Variants in FBXO11 observed in about 807,000 individuals in gnomAD.
The protein encoded by FBXO11 is F-box only protein 11.
A neutral mutation model predicts 117.0 loss-of-function variants in FBXO11; 13 were observed. The ratio of observed to expected loss-of-function variants is 0.11; its 90% CI spans 0.07 to 0.18. The LOEUF is 0.18. FBXO11 is among the 10% of genes least tolerant of loss of function. FBXO11 has a pLI of 1.00. For synonymous variants in FBXO11, 490 were observed against 380.5 expected, an observed-to-expected ratio of 1.29 and a Z score of -3.35; for missense variants, 767 against 1,164.4, an observed-to-expected ratio of 0.66 and a Z score of 4.97.
At chr2:47,827,701 ATT>A (rs34598751) in intron 11 of FBXO11, among the ~76,000 whole-genome samples, 2 of 136,616 alleles carry the variant, frequency 1.5e-5, no homozygotes, top group Non-Finnish European at 1.6e-5. Flanking sequence ...AAGAAATTAG[ATT>A]TTTTTTTTTT....
chr2:47,899,437 T>C (rs772780966), intron 1 of FBXO11, among the ~76,000 whole-genome samples: 6 of 152,212 alleles, frequency 3.9e-5, no homozygotes, highest in Non-Finnish European at 7.3e-5. Context: ...ATTTATTAAA[T>C]ATCTATCATG....
intron 1 of FBXO11, among the ~76,000 whole-genome samples, chr2:47,887,576 T>C (rs1676955481): frequency 3.3e-5 from 5 of 151,780 alleles, no homozygotes; most frequent in Admixed American, 2.6e-4. Flanking sequence ...AAACACTTTG[T>C]GGGGCCAGGC....
intron 1 of FBXO11, among the ~76,000 whole-genome samples, chr2:47,898,851 T>C (rs749142951): frequency 3.9e-5 from 6 of 152,148 alleles, no homozygotes; most frequent in Non-Finnish European, 7.3e-5. Context: ...TCCTTGTTTA[T>C]AGAAAGATTA....
intron 18 of FBXO11, among the ~76,000 whole-genome samples, chr2:47,812,495 T>C (rs763625954): frequency 6.6e-6 from 1 of 152,232 alleles, no homozygotes; most frequent in Non-Finnish European, 1.5e-5. Flanking sequence ...GTGAAAACTA[T>C]CTGAGATACG....
At chr2:47,827,056 G>A (rs1015845530) in intron 11 of FBXO11, among the ~76,000 whole-genome samples, 7 of 152,194 alleles carry the variant, frequency 4.6e-5, no homozygotes, top group African/African-American at 1.7e-4. Flanking sequence ...GATTAAATAT[G>A]TCACCTAATT....
chr2:47,817,763 C>T (rs1257029594), intron 16 of FBXO11, among the ~76,000 whole-genome samples: 2 of 152,228 alleles, frequency 1.3e-5, no homozygotes, highest in African/African-American at 2.4e-5. Context: ...CTTGGTGGAA[C>T]AGTCAGAACA....
chr2:47,822,942 T>C (rs1028649006), intron 12 of FBXO11, among the ~76,000 whole-genome samples: 2 of 152,108 alleles, frequency 1.3e-5, no homozygotes, highest in African/African-American at 4.8e-5. Context: ...ATATCACTAA[T>C]AAAAAGAAAA....
intron 1 of FBXO11, among the ~76,000 whole-genome samples, chr2:47,882,894 C>G (rs1676539713): frequency 6.6e-6 from 1 of 152,304 alleles, no homozygotes; most frequent in South Asian, 2.1e-4. Context: ...AGCGATCTCC[C>G]TGTCTCAGCC....
chr2:47,842,303 C>T (rs962965960), intron 1 of FBXO11, among the ~76,000 whole-genome samples: 2 of 152,100 alleles, frequency 1.3e-5, no homozygotes, highest in Non-Finnish European at 2.9e-5. Flanking sequence ...CGTGAGCCAC[C>T]GGCGCCCGGC....
At chr2:47,826,770 T>C (rs1169162141) in intron 11 of FBXO11, among the ~76,000 whole-genome samples, 2 of 152,156 alleles carry the variant, frequency 1.3e-5, no homozygotes, top group Non-Finnish European at 2.9e-5. Flanking sequence ...CCTCTTCTTT[T>C]TATTTATTTT....
intron 14 of FBXO11, among the ~76,000 whole-genome samples, chr2:47,819,773 C>T (rs1306984846): frequency 1.3e-5 from 2 of 152,086 alleles, no homozygotes; most frequent in Non-Finnish European, 2.9e-5. Context: ...AAAATTTTTA[C>T]TTTTAGCAGG....
At chr2:47,854,143 A>C (rs2103677511) in intron 1 of FBXO11, among the ~76,000 whole-genome samples, 1 of 152,352 alleles carries the variant, frequency 6.6e-6, no homozygotes, top group South Asian at 2.1e-4. Flanking sequence ...AATTTGAATA[A>C]AGAAAAAACA....
At chr2:47,815,616 A>T (rs1197131001) in intron 16 of FBXO11, among the ~76,000 whole-genome samples, 1 of 152,172 alleles carries the variant, frequency 6.6e-6, no homozygotes, top group Non-Finnish European at 1.5e-5. Context: ...GTAACTTGTG[A>T]TCCAAGTAAC....
At chr2:47,850,665 C>G (rs992890992) in intron 1 of FBXO11, among the ~76,000 whole-genome samples, 1 of 151,942 alleles carries the variant, frequency 6.6e-6, no homozygotes, top group Non-Finnish European at 1.5e-5. Context: ...GTCTGTGGGC[C>G]CAGAATTGAC....
chr2:47,817,630 C>T lies in FBXO11; in HGVS notation c.2006+1149G>A, dbSNP rs79749193. ...TTGATTTAAAGTGAGAGATACGCAACTCCTCCTTTCACTTCAATACTTATA... is the reference window on the plus strand; with the variant it reads ...TTGATTTAAAGTGAGAGATACGCAATTCCTCCTTTCACTTCAATACTTATA... On this transcript the variant is annotated intron_variant, in intron 16 of 22. Coordinates refer to ENST00000403359, the MANE Select transcript of FBXO11 (RefSeq NM_001190274.2). Among the ~76,000 whole-genome samples the T allele has an allele frequency of 1.7e-3, 260 of 152,302 alleles. 3 individuals are homozygous for T. The East Asian group carries it at 0.046, about 27-fold the overall frequency.
intron 1 of FBXO11, chr2:47,865,655 T>C (rs1675139596): frequency 6.6e-6 from 1 of 152,204 alleles, no homozygotes; most frequent in Admixed American, 6.5e-5. Flanking sequence ...GATCTAATTT[T>C]AATTAATAGT....
At chr2:47,842,006 A>G (rs1394988949) in intron 1 of FBXO11, among the ~76,000 whole-genome samples, 1 of 149,874 alleles carries the variant, frequency 6.7e-6, no homozygotes, top group Admixed American at 6.7e-5. Context: ...GGAGGAGAAT[A>G]TCAGTTTTAT....
At chr2:47,820,770 C>G (rs1032106002) in intron 13 of FBXO11, among the ~76,000 whole-genome samples, 3 of 152,098 alleles carry the variant, frequency 2.0e-5, no homozygotes, top group Non-Finnish European at 4.4e-5. Flanking sequence ...CCTCTGTATC[C>G]TTATCAATAT....
chr2:47,810,081 A>G (rs2104630622), intron 19 of FBXO11: 2 of 503,404 alleles, frequency 4.0e-6, no homozygotes, highest in East Asian at 3.2e-5. Flanking sequence ...TTCTATCCCA[A>G]TAAATGTTTC....
Sources: allele counts gnomAD v4.1 joint callset (sites outside exome capture counted in the v4.1 genomes callset), GRCh38; gene constraint gnomAD v4.1.1; transcripts MANE v1.5; gene names NCBI Gene and HGNC (gene_info 2026-07-23, HGNC 2026-07-21).